The following LHFPL6 variants were observed in gnomAD, a reference collection of about 807,000 sequenced individuals.
The protein encoded by LHFPL6 is LHFPL tetraspan subfamily member 6, also known as LHFPL tetraspan subfamily member 6 protein.
A neutral mutation model predicts 20.6 loss-of-function variants in LHFPL6; 9 were observed. The observed-to-expected ratio is 0.44, with a 90% CI of 0.26 to 0.76. The LOEUF (loss-of-function observed/expected upper bound fraction) is 0.76, where lower values mean the gene tolerates loss of function less well. LHFPL6 is among the 30% of genes least tolerant of loss of function. The pLI is 0.20. For missense variants in LHFPL6, 218 were observed against 253.5 expected (o/e 0.86, Z 0.95); for synonymous variants, 105 against 98.7 (o/e 1.06, Z -0.38).
Position 39,571,504 on chromosome 13 carries a change from T to G in LHFPL6, c.385+29328A>C, listed in dbSNP as rs537718734. 2.2e-4 allele frequency among the ~76,000 whole-genome samples: 33 copies of G among 152,314 alleles called. No homozygotes were observed. In the East Asian group the frequency reaches 6.0e-3, roughly 28 times the overall value. On this transcript the variant is annotated intron_variant, in intron 2 of 3. Coordinates refer to ENST00000379589, the MANE Select transcript of LHFPL6 (RefSeq NM_005780.3). Reference sequence around the variant, plus strand: ...TCAGGGAAGATGACCTGCCCTTCTCTTCCCCTCTCCAGCTGAGAACTGTTT... The same window carrying G: ...TCAGGGAAGATGACCTGCCCTTCTCGTCCCCTCTCCAGCTGAGAACTGTTT...
intron 2 of LHFPL6, among the ~76,000 whole-genome samples, chr13:39,535,269 A>G (rs1246737191): frequency 6.6e-6 from 1 of 152,228 alleles, no homozygotes; most frequent in Non-Finnish European, 1.5e-5. Context: ...TTTTTGTGAG[A>G]GGCAATTCAA....
At chr13:39,583,471 G>A (rs1178350654) in intron 2 of LHFPL6, among the ~76,000 whole-genome samples, 4 of 152,060 alleles carry the variant, frequency 2.6e-5, no homozygotes, top group Non-Finnish European at 4.4e-5. Flanking sequence ...TACCACATAC[G>A]GCTGGGTGCA....
intron 2 of LHFPL6, among the ~76,000 whole-genome samples, chr13:39,513,590 T>C (rs7323467): frequency 0.11 from 16,889 of 152,248 alleles, 1,187 homozygotes; most frequent in African/African-American, 0.19. Context: ...ATAAGAAAAG[T>C]AAACTGCATT....
At chr13:39,589,075 TA>T (rs1219057060) in intron 2 of LHFPL6, among the ~76,000 whole-genome samples, 4 of 152,186 alleles carry the variant, frequency 2.6e-5, no homozygotes, top group Admixed American at 6.5e-5. Context: ...TCATGAATTC[TA>T]ACAGCAAATC....
intron 2 of LHFPL6, among the ~76,000 whole-genome samples, chr13:39,475,762 G>A (rs2324330): frequency 0.84 from 127,717 of 152,090 alleles, 56,013 homozygotes; most frequent in Non-Finnish European, 0.97. Flanking sequence ...ACAGGATGCC[G>A]TGATCACAGC....
At chr13:39,557,586 T>C (rs918983437) in intron 2 of LHFPL6, among the ~76,000 whole-genome samples, 3 of 152,126 alleles carry the variant, frequency 2.0e-5, no homozygotes, top group African/African-American at 7.2e-5. Context: ...GCAGATCTAC[T>C]ACTAAAAAAG....
At chr13:39,396,117 GGT>G (rs1566101800) in intron 2 of LHFPL6, among the ~76,000 whole-genome samples, 2 of 152,130 alleles carry the variant, frequency 1.3e-5, no homozygotes, top group Non-Finnish European at 2.9e-5. Context: ...GGGTGTTGGG[GGT>G]GTCTCTGTGG....
At chr13:39,352,935 ATG>A (rs200558788) in intron 3 of LHFPL6, among the ~76,000 whole-genome samples, 645 of 56,948 alleles carry the variant, frequency 0.011, 98 homozygotes, top group African/African-American at 0.036. Flanking sequence ...ATGTATATAT[ATG>A]TGTGTATATA....
intron 2 of LHFPL6, among the ~76,000 whole-genome samples, chr13:39,443,883 G>T (rs554534359): frequency 1.3e-5 from 2 of 150,238 alleles, no homozygotes; most frequent in Admixed American, 6.7e-5. Context: ...ATAGGCTTTT[G>T]TCTATAGGCT....
intron 2 of LHFPL6, among the ~76,000 whole-genome samples, chr13:39,401,510 C>T (rs1870990478): frequency 6.6e-6 from 1 of 152,174 alleles, no homozygotes; most frequent in South Asian, 2.1e-4. Flanking sequence ...CTGTTCTTTC[C>T]AGCAGTCATT....
In LHFPL6 at chr13:39,600,773, T is replaced by G. The variant is rs1872911411; in HGVS notation, c.385+59A>C. On this transcript the variant is annotated intron_variant, in intron 2 of 3. Transcript: ENST00000379589. ...ATAATCTCAGTAGACAACTGAAACA[T>G]AACTTTTAATACTGCTTTGGGATTC... The G allele has an allele frequency of 2.1e-6, 3 of 1,398,984 alleles. No individual in the cohort carries two copies. The East Asian group carries it at 7.1e-5, about 33-fold the overall frequency. The allele number at this position is 1,398,984 out of a possible 1,614,324, so 86.7% of individuals were successfully genotyped here. A position where few individuals can be genotyped will look rare whatever the true frequency, so the allele number is the denominator to read the frequency against.
At position 39,420,881 on chromosome 13, in the gene LHFPL6, G is replaced by A. The variant is rs74044055; in HGVS notation, c.386-42355C>T. On this transcript the variant is annotated intron_variant, in intron 2 of 3. Coordinates refer to ENST00000379589, the MANE Select transcript of LHFPL6 (RefSeq NM_005780.3). ...TTTGTACCAGAAGTCCTGAAGTTACGTGTCCTGGAAAGAACTTCCTTCATA... is the reference window on the plus strand; with the variant it reads ...TTTGTACCAGAAGTCCTGAAGTTACATGTCCTGGAAAGAACTTCCTTCATA... Among the ~76,000 whole-genome samples the A allele has an allele frequency of 4.6e-5, 7 of 152,230 alleles. No individual in the cohort carries two copies. In the South Asian group the frequency reaches 8.3e-4, roughly 18 times the overall value.
At chr13:39,481,688 G>C (rs1593329840) in intron 2 of LHFPL6, among the ~76,000 whole-genome samples, 3 of 152,244 alleles carry the variant, frequency 2.0e-5, no homozygotes, top group South Asian at 4.1e-4. Context: ...AAAAAGGAAG[G>C]GGGCGGGAGA....
chr13:39,533,414 A>G (rs201659410), intron 2 of LHFPL6, among the ~76,000 whole-genome samples: 2,006 of 107,564 alleles, frequency 0.019, 49 homozygotes, highest in East Asian at 0.1. Flanking sequence ...TGCATGTCTG[A>G]ATAGAGAAAA....
At chr13:39,593,305 A>T (rs961885344) in intron 2 of LHFPL6, among the ~76,000 whole-genome samples, 2 of 152,240 alleles carry the variant, frequency 1.3e-5, no homozygotes, top group Non-Finnish European at 2.9e-5. Context: ...TGCAAAAATC[A>T]CAAGCATTCT....
intron 3 of LHFPL6, among the ~76,000 whole-genome samples, chr13:39,354,066 T>C (rs927618562): frequency 2.6e-5 from 4 of 152,232 alleles, no homozygotes; most frequent in African/African-American, 4.8e-5. Flanking sequence ...GTGGGACCAG[T>C]ATTTCCTCTC....
intron 2 of LHFPL6, among the ~76,000 whole-genome samples, chr13:39,502,078 C>A (rs373900534): frequency 6.6e-6 from 1 of 152,132 alleles, no homozygotes; most frequent in Non-Finnish European, 1.5e-5. Context: ...TTCTGAAGTG[C>A]CACACTGGGG....
At chr13:39,436,993 C>A (rs575632710) in intron 2 of LHFPL6, among the ~76,000 whole-genome samples, 1 of 152,186 alleles carries the variant, frequency 6.6e-6, no homozygotes, top group Non-Finnish European at 1.5e-5. Context: ...TATTTTATAA[C>A]CTGCCTAGAC....
chr13:39,601,327 C>T lies in LHFPL6; in HGVS notation c.-111G>A. 1 of 1,068,306 alleles carries T rather than the reference C, an allele frequency of 9.4e-7. No individual in the cohort carries two copies. The highest frequency in any genetic ancestry group is 1.9e-5 in the South Asian group (1 of 53,066). 66.2% of individuals were successfully genotyped at this position (1,068,306 alleles called of 1,614,324 possible). On this transcript the variant is annotated 5_prime_UTR_variant, in exon 2 of 4. Transcript: ENST00000379589. ...ACAGATAATCCACAGTTCCGTAATG[C>T]AGAATGGATCTTCAGTCTTACTGGG...
Sources: gnomAD v4.1 joint callset for allele counts (sites outside exome capture counted in the v4.1 genomes callset) on GRCh38, gnomAD v4.1.1 for gene constraint, MANE v1.5 for transcripts, NCBI Gene and HGNC (gene_info 2026-07-23, HGNC 2026-07-21) for gene names.